MCCC2: variants seen among roughly 807,000 people sequenced by gnomAD.
The protein encoded by MCCC2 is methylcrotonyl-CoA carboxylase subunit 2.
A neutral mutation model predicts 77.2 loss-of-function variants in MCCC2; 52 were observed. The observed-to-expected ratio is 0.67, with a 90% CI of 0.54 to 0.85. The LOEUF (loss-of-function observed/expected upper bound fraction) is 0.85. Ranked by LOEUF, MCCC2 falls within the 40% of genes least tolerant of loss-of-function variation. MCCC2 has a pLI of 0.00. For synonymous variants in MCCC2, 253 were observed against 248.4 expected (o/e 1.02, Z -0.18); for missense variants, 682 against 703.2 (o/e 0.97, Z 0.34).
chr5:71,647,814 A>G (rs571355951), intron 13 of MCCC2, among the ~76,000 whole-genome samples: 1 of 152,258 alleles, frequency 6.6e-6, no homozygotes, highest in Non-Finnish European at 1.5e-5. Flanking sequence ...TTCAAGAGTA[A>G]AGGAAGATGG....
At chr5:71,650,704 A>G (rs546982432) in intron 15 of MCCC2, among the ~76,000 whole-genome samples, 1 of 152,230 alleles carries the variant, frequency 6.6e-6, no homozygotes, top group Non-Finnish European at 1.5e-5. Flanking sequence ...GCTGGTGTGC[A>G]GTGGCACGAT....
intron 2 of MCCC2, among the ~76,000 whole-genome samples, chr5:71,595,447 G>A (rs1477599573): frequency 4.1e-5 from 4 of 97,152 alleles, no homozygotes; most frequent in African/African-American, 9.4e-5. Flanking sequence ...AAAAAAAAAA[G>A]GTCCTACTTG....
intron 8 of MCCC2, 72 bp from the exon 9 acceptor site, chr5:71,634,871 T>C: frequency 1.5e-6 from 2 of 1,334,010 alleles, no homozygotes. Context: ...TGAGAGAAGA[T>C]ACTTGGGACC....
In MCCC2 at chr5:71,603,433, A is replaced by G. The variant is rs1375540715; in HGVS notation, c.511+800A>G. Among the ~76,000 whole-genome samples the G allele has an allele frequency of 2.7e-5, 4 of 150,774 alleles. No individual in the cohort carries two copies. The East Asian group carries it at 7.8e-4, about 30-fold the overall frequency. On this transcript the variant is annotated intron_variant, in intron 5 of 16. Transcript: ENST00000340941. ...ACTGTCTCAAAAAAAAAAAAAAAAA[A>G]AAAAAATGGGCCTTTCCTGATACTG... is the stretch of plus-strand genomic sequence containing the variant.
chr5:71,632,157 G>T lies in MCCC2; in HGVS notation c.775G>T (p.Asp259Tyr), dbSNP rs191457686. The change falls in exon 8 of 17, where the codon GAT (aspartate) becomes TAT (tyrosine). Residue 259 changes from aspartate (D) to tyrosine (Y), a missense_variant. Physicochemically the swap from Asp to Tyr is radical, Grantham distance 160. Coordinates refer to ENST00000340941, the MANE Select transcript of MCCC2 (RefSeq NM_022132.5). The stretch of plus-strand genomic sequence containing the variant: ...AACTGGGGAAGAAGTATCTGCTGAG[G>T]ATCTTGGAGGTGCTGATCTTCATTG... ...AATGEEVSAE[D>Y]LGGADLHCRK... The T allele has an allele frequency of 1.8e-5, 29 of 1,614,188 alleles. No individual in the cohort carries two copies. In the East Asian group the frequency reaches 6.0e-4, roughly 33 times the overall value.
chr5:71,596,566 T>A (rs1466860432), intron 3 of MCCC2, among the ~76,000 whole-genome samples: 1 of 152,188 alleles, frequency 6.6e-6, no homozygotes, highest in Non-Finnish European at 1.5e-5. Context: ...ACTAGTGATA[T>A]ATCAGTGACC....
At chr5:71,594,018 C>T (rs1433197155) in intron 2 of MCCC2, among the ~76,000 whole-genome samples, 1 of 152,128 alleles carries the variant, frequency 6.6e-6, no homozygotes, top group Non-Finnish European at 1.5e-5. Flanking sequence ...ATCTTCTTGC[C>T]TCAGCCTCCC....
At chr5:71,621,100 T>C (rs1460731985) in intron 6 of MCCC2, among the ~76,000 whole-genome samples, 2 of 152,188 alleles carry the variant, frequency 1.3e-5, no homozygotes, top group Non-Finnish European at 2.9e-5. Flanking sequence ...TTCAGTGTCC[T>C]TAGGTAACGT....
chr5:71,641,813 C>G (rs779275229), intron 11 of MCCC2, among the ~76,000 whole-genome samples: 5 of 152,060 alleles, frequency 3.3e-5, no homozygotes, highest in Admixed American at 6.6e-5. Context: ...CTGCAGAAAT[C>G]CAAATTGCAA....
intron 13 of MCCC2, 96 bp from the exon 14 acceptor site, chr5:71,649,001 A>G: frequency 7.3e-7 from 1 of 1,373,792 alleles, no homozygotes; most frequent in Non-Finnish European, 1.0e-6. Flanking sequence ...GCATTTAGTA[A>G]GATGAGTTTA....
At chr5:71,634,908 C>T (rs775481405) in intron 8 of MCCC2, 35 bp from the exon 9 acceptor site, 1 of 1,580,040 alleles carries the variant, frequency 6.3e-7, no homozygotes, top group Non-Finnish European at 8.7e-7. Context: ...TTTCCTTTTC[C>T]CTGTTCTGAC....
At chr5:71,600,696 T>G (rs1343414233) in intron 4 of MCCC2, among the ~76,000 whole-genome samples, 1 of 152,110 alleles carries the variant, frequency 6.6e-6, no homozygotes, top group African/African-American at 2.4e-5. Flanking sequence ...TTGCTCAAAT[T>G]AAGCAAAAAA....
intron 1 of MCCC2, among the ~76,000 whole-genome samples, chr5:71,588,634 C>G (rs2112256510): frequency 6.6e-6 from 1 of 152,206 alleles, no homozygotes; most frequent in South Asian, 2.1e-4. Context: ...GAAGGGTTGT[C>G]TAAAGCTTGA....
At chr5:71,608,590 T>C (rs1352387370) in intron 6 of MCCC2, among the ~76,000 whole-genome samples, 2 of 151,962 alleles carry the variant, frequency 1.3e-5, no homozygotes, top group African/African-American at 2.4e-5. Flanking sequence ...AAAGTTAATA[T>C]TGTTATGTGT....
At chr5:71,631,538 C>CTTTTTT (rs544704315) in intron 7 of MCCC2, among the ~76,000 whole-genome samples, 1 of 128,324 alleles carries the variant, frequency 7.8e-6, no homozygotes, top group African/African-American at 2.9e-5. Context: ...GGTCTTTCTT[C>CTTTTTT]TTTTTTTTTT....
chr5:71,643,844 A>G lies in MCCC2; in HGVS notation c.1098A>G (p.Pro366=). The G allele has an allele frequency of 6.2e-7, 1 of 1,614,164 alleles. No individual in the cohort carries two copies. Among genetic ancestry groups the G allele is most frequent in the East Asian group, 2.2e-5 (1 of 44,874 alleles). The part of the protein sequence containing the change: ...VTGFARIFGY[P]VGIVGNNGVL... The stretch of plus-strand genomic sequence containing the variant: ...GATTTGCTCGAATATTTGGGTACCC[A>G]GTAGGTATCGTTGGAAACAACGGAG... Residue 366 remains proline, a synonymous_variant, in exon 12 of 17, where the codon CCA becomes CCG. Transcript: ENST00000340941.
intron 1 of MCCC2, among the ~76,000 whole-genome samples, chr5:71,588,934 T>C (rs1259259490): frequency 3.9e-5 from 6 of 152,134 alleles, no homozygotes; most frequent in Non-Finnish European, 8.8e-5. Context: ...ATTTGGCAGG[T>C]TGTCCATTAA....
At chr5:71,641,380 TTTTG>T (rs1179185845) in intron 11 of MCCC2, 2 of 347,196 alleles carry the variant, frequency 5.8e-6, no homozygotes, top group Non-Finnish European at 1.1e-5. Context: ...TTGTAGTTCT[TTTTG>T]TTTTTCTGGA....
In MCCC2 at chr5:71,596,489, T is replaced by A. The variant is rs1482876791; in HGVS notation, c.281+125T>A. The stretch of plus-strand genomic sequence containing the variant: ...GTAAGATTCAGGAACATGTGTTTAT[T>A]GAGAGCCTACTATGTGTCAAGCACT... On this transcript the variant is annotated intron_variant, in intron 3 of 16. Transcript: ENST00000340941. 6 of 879,626 alleles carry A rather than the reference T, an allele frequency of 6.8e-6. No homozygotes were observed. In the East Asian group the frequency reaches 1.2e-4, roughly 18 times the overall value. The allele number at this position is 879,626 out of a possible 1,614,324, so 54.5% of individuals were successfully genotyped here.
Sources: allele counts gnomAD v4.1 joint callset (sites outside exome capture counted in the v4.1 genomes callset), GRCh38; gene constraint gnomAD v4.1.1; transcripts MANE v1.5; gene names NCBI Gene and HGNC (gene_info 2026-07-23, HGNC 2026-07-21).